The following BTBD10 variants were observed in gnomAD, a reference collection of about 807,000 sequenced individuals.
BTBD10 encodes BTB/POZ domain-containing protein 10.
A neutral mutation model predicts 53.2 loss-of-function variants in BTBD10; 21 were observed. That is an observed-to-expected ratio of 0.39 (90% CI 0.28 to 0.57). BTBD10 has a LOEUF of 0.57. BTBD10 is among the 20% of genes least tolerant of loss of function. The pLI is 0.53. For missense variants in BTBD10, 360 were observed against 594.7 expected (o/e 0.61, Z 4.10); for synonymous variants, 149 against 192.7 (o/e 0.77, Z 1.88).
At chr11:13,455,333 T>G (rs893171280) in intron 1 of BTBD10, among the ~76,000 whole-genome samples, 1 of 152,246 alleles carries the variant, frequency 6.6e-6, no homozygotes, top group African/African-American at 2.4e-5. Flanking sequence ...GCTAATTGAT[T>G]TTATCACTTT....
chr11:13,459,753 T>G (rs1760953664), intron 1 of BTBD10: 2 of 152,202 alleles, frequency 1.3e-5, no homozygotes, highest in Non-Finnish European at 2.9e-5. Flanking sequence ...TACAAATGAA[T>G]AGACAATGTA....
intron 1 of BTBD10, among the ~76,000 whole-genome samples, chr11:13,459,398 C>T (rs1432190720): frequency 6.6e-6 from 1 of 151,974 alleles, no homozygotes; most frequent in Non-Finnish European, 1.5e-5. Context: ...GTCTCAGTTT[C>T]AAGGATCTCA....
At chr11:13,396,513 C>G (rs1240130435) in intron 8 of BTBD10, among the ~76,000 whole-genome samples, 3 of 152,312 alleles carry the variant, frequency 2.0e-5, no homozygotes, top group Admixed American at 2.0e-4. Flanking sequence ...TCCTCTTTTC[C>G]TAACTGAATA....
rs562873431 is a variant in BTBD10 at position 13,418,993 on chromosome 11, A to T, written c.584+467T>A. Among the ~76,000 whole-genome samples, 12 of 49,690 alleles carry T rather than the reference A, an allele frequency of 2.4e-4. No individual in the cohort carries two copies. The South Asian group carries it at 2.4e-3, about 10-fold the overall frequency. 32.6% of individuals were successfully genotyped at this position (49,690 alleles called of 152,430 possible). On this transcript the variant is annotated intron_variant, in intron 4 of 8. Coordinates refer to ENST00000278174, the MANE Select transcript of BTBD10 (RefSeq NM_032320.7). ...TTCCTTTTTTTTTTTTTTTTTTTTA[A>T]AAGTATCTACATCGAACTGACAATT...
At chr11:13,414,844 G>GAAAAAAAAAA (rs71041526) in intron 5 of BTBD10, among the ~76,000 whole-genome samples, 6 of 85,108 alleles carry the variant, frequency 7.0e-5, no homozygotes, top group African/African-American at 9.4e-5. Context: ...CATCTCAAAC[G>GAAAAAAAAAA]AAAAAAAAAA....
intron 5 of BTBD10, among the ~76,000 whole-genome samples, chr11:13,414,240 G>C (rs1484261848): frequency 6.6e-6 from 1 of 152,148 alleles, no homozygotes; most frequent in Non-Finnish European, 1.5e-5. Context: ...CACTTAGTAA[G>C]TTGTTAAAGG....
At chr11:13,454,547 A>C (rs964732226) in intron 1 of BTBD10, among the ~76,000 whole-genome samples, 2 of 152,162 alleles carry the variant, frequency 1.3e-5, no homozygotes, top group African/African-American at 4.8e-5. Context: ...TAAGTATCTA[A>C]TTTCACCATA....
chr11:13,414,789 G>A (rs533065452), intron 5 of BTBD10, among the ~76,000 whole-genome samples: 3 of 138,142 alleles, frequency 2.2e-5, no homozygotes, highest in African/African-American at 5.3e-5. Context: ...GCAGTGAGCC[G>A]AGATCACACC....
At chr11:13,438,464 G>A (rs563963545) in intron 2 of BTBD10, among the ~76,000 whole-genome samples, 53 of 151,872 alleles carry the variant, frequency 3.5e-4, no homozygotes, top group Non-Finnish European at 3.4e-4. Flanking sequence ...AGAAAAATGC[G>A]GATTGGTGAA....
chr11:13,389,480 G>T (rs1949350953), intron 8 of BTBD10, among the ~76,000 whole-genome samples: 2 of 150,900 alleles, frequency 1.3e-5, no homozygotes, highest in African/African-American at 4.9e-5. Context: ...CCAGGCTGGA[G>T]TGCCATGTGT....
intron 1 of BTBD10, among the ~76,000 whole-genome samples, chr11:13,447,385 T>C (rs1375860964): frequency 6.6e-6 from 1 of 152,180 alleles, no homozygotes; most frequent in Admixed American, 6.6e-5. Context: ...GCCTCCAGAA[T>C]ATCTGGGAAT....
At chr11:13,459,134 G>A (rs1475078694) in intron 1 of BTBD10, among the ~76,000 whole-genome samples, 1 of 147,978 alleles carries the variant, frequency 6.8e-6, no homozygotes, top group Admixed American at 6.7e-5. Flanking sequence ...TCGGCTCACT[G>A]CAAGCTCCGC....
intron 1 of BTBD10, chr11:13,459,536 A>G (rs1344302294): frequency 6.6e-6 from 1 of 152,208 alleles, no homozygotes; most frequent in East Asian, 1.9e-4. Flanking sequence ...TAACATCTGT[A>G]TCTTCCTGAC....
chr11:13,392,078 C>A lies in BTBD10; in HGVS notation c.1118-2937G>T, dbSNP rs530801868. On this transcript the variant is annotated intron_variant, in intron 8 of 8. Transcript: ENST00000278174. Reference sequence around the variant, plus strand: ...GCTACTGCATCACAAAATTGTAATGCCAGATCACTACCTTAAGGTGTTTAT... The same window carrying A: ...GCTACTGCATCACAAAATTGTAATGACAGATCACTACCTTAAGGTGTTTAT... Among the ~76,000 whole-genome samples the A allele has an allele frequency of 2.8e-4, 42 of 152,290 alleles. No homozygotes were observed. In the Middle Eastern group the frequency reaches 0.014, roughly 49 times the overall value.
chr11:13,389,434 CT>C (rs59009336), intron 8 of BTBD10, among the ~76,000 whole-genome samples: 37 of 147,188 alleles, frequency 2.5e-4, no homozygotes, highest in East Asian at 4.0e-4. Context: ...GCTATGTATC[CT>C]TTTTTTTTTT....
At chr11:13,441,405 T>C (rs1950647244) in intron 2 of BTBD10, among the ~76,000 whole-genome samples, 2 of 152,056 alleles carry the variant, frequency 1.3e-5, no homozygotes, top group African/African-American at 2.4e-5. Flanking sequence ...CCCATAAATA[T>C]ACACAATTAT....
At chr11:13,389,994 C>T (rs961718126) in intron 8 of BTBD10, among the ~76,000 whole-genome samples, 4 of 152,110 alleles carry the variant, frequency 2.6e-5, no homozygotes, top group African/African-American at 9.7e-5. Flanking sequence ...TTTACAGTCA[C>T]ATTCCCGAAG....
Position 13,389,080 on chromosome 11 carries a change from G to A in BTBD10, c.1179C>T (p.Tyr393=). ...KRPGGRPEVI[Y]NYVQRPFIRM... is the part of the protein sequence containing the mutation. ...GAATAAAGGGTCTTTGGACATAGTT[G>A]TAGATCACTTCTGGGCGGCCTCCAG... Residue 393 remains tyrosine (Y), a synonymous_variant, in exon 9 of 9, where the codon TAC becomes TAT. Transcript: ENST00000278174. 3 of 1,614,062 alleles carry A rather than the reference G, an allele frequency of 1.9e-6. No individual in the cohort carries two copies. The highest frequency in any genetic ancestry group is 2.5e-6 in the Non-Finnish European group (3 of 1,180,016).
intron 2 of BTBD10, among the ~76,000 whole-genome samples, chr11:13,424,833 A>G (rs1950307339): frequency 6.6e-6 from 1 of 152,212 alleles, no homozygotes; most frequent in Admixed American, 6.5e-5. Flanking sequence ...TGGAAAGCGA[A>G]TGAGATATGC....
Sources: allele counts gnomAD v4.1 joint callset (sites outside exome capture counted in the v4.1 genomes callset), GRCh38; gene constraint gnomAD v4.1.1; transcripts MANE v1.5; gene names NCBI Gene and HGNC (gene_info 2026-07-23, HGNC 2026-07-21).